Variants in WDR72 observed in about 807,000 individuals in gnomAD.
WDR72 encodes the protein WD repeat-containing protein 72.
A neutral mutation model predicts 124.2 loss-of-function variants in WDR72; 120 were observed. The ratio of observed to expected loss-of-function variants is 0.97; its 90% CI spans 0.83 to 1.12. The LOEUF is 1.12. WDR72 is among the 50% of genes most tolerant of loss of function. WDR72 has a pLI of 0.00. For synonymous variants in WDR72, 452 were observed against 441.7 expected, an observed-to-expected ratio of 1.02 and a Z score of -0.29; for missense variants, 1,387 against 1,278.8, an observed-to-expected ratio of 1.08 and a Z score of -1.29.
Position 53,704,524 on chromosome 15 carries a change from G to T in WDR72, c.1348+464C>A, listed in dbSNP as rs368181291. Among the ~76,000 whole-genome samples, 87 of 150,956 alleles carry T rather than the reference G, an allele frequency of 5.8e-4. 8 individuals carry two copies. In the East Asian group the frequency reaches 8.1e-3, roughly 14 times the overall value. On this transcript the variant is annotated intron_variant, in intron 11 of 19. Coordinates refer to ENST00000360509, the MANE Select transcript of WDR72 (RefSeq NM_182758.4). ...TTCTGCTTGAGTTTTTTTTGTTTTTGGTTTTGGTTTTTTTTGAGATGGAGT... is the reference window on the plus strand; with the variant it reads ...TTCTGCTTGAGTTTTTTTTGTTTTTTGTTTTGGTTTTTTTTGAGATGGAGT...
At chr15:53,591,281 T>C (rs955436637) in intron 18 of WDR72, among the ~76,000 whole-genome samples, 2 of 152,080 alleles carry the variant, frequency 1.3e-5, no homozygotes, top group African/African-American at 2.4e-5. Flanking sequence ...AGTTTGTTAG[T>C]TTGTTCTTGG....
rs1567035646 is a variant in WDR72, at chr15:53,699,950, G to T, written c.1570-5C>A. ...AATTATCTGCTCACCCCTTAGCTGT[G>T]AAAAAACAACATGCTTATGTAAGTA... On this transcript the variant is annotated splice_polypyrimidine_tract_variant and splice_region_variant and intron_variant, in intron 12 of 19. Coordinates refer to ENST00000360509, the MANE Select transcript of WDR72 (RefSeq NM_182758.4). 6.2e-7 allele frequency: 1 copy of T among 1,613,880 alleles called. No homozygotes were observed. The highest frequency in any genetic ancestry group is 8.5e-7 in the Non-Finnish European group (1 of 1,179,984).
Position 53,517,680 on chromosome 15 carries a change from C to A in WDR72, c.*19G>T, listed in dbSNP as rs757328536. On this transcript the variant is annotated 3_prime_UTR_variant, in exon 20 of 20. Coordinates refer to ENST00000360509, the MANE Select transcript of WDR72 (RefSeq NM_182758.4). ...TTTCTTAATTTGTCCAAATTCAGCT[C>A]CTACTGATGAGATTCCATTTAAGAC... 5 of 1,612,252 alleles carry A rather than the reference C, an allele frequency of 3.1e-6. No homozygotes were observed. The Admixed American group carries it at 8.4e-5, about 27-fold the overall frequency.
chr15:53,655,230 C>CAAAAA (rs531072099), intron 14 of WDR72, among the ~76,000 whole-genome samples: 23 of 54,610 alleles, frequency 4.2e-4, no homozygotes, highest in Admixed American at 1.1e-3. Context: ...GATGCCATCT[C>CAAAAA]AAAAAAAAAA....
In WDR72 at chr15:53,722,795, T is replaced by C; in HGVS notation, c.260+7A>G. On this transcript the variant is annotated splice_region_variant and intron_variant, in intron 3 of 19. Coordinates refer to ENST00000360509, the MANE Select transcript of WDR72 (RefSeq NM_182758.4). ...AGAAGGGGACAAAGTTTACATACCA[T>C]ACCTACCCATTTTCAGCAGCACTAA... 1.2e-6 allele frequency: 2 copies of C among 1,612,384 alleles called. No individual in the cohort carries two copies. Among genetic ancestry groups the C allele is most frequent in the Non-Finnish European group, 1.7e-6 (2 of 1,178,882 alleles).
intron 1 of WDR72, among the ~76,000 whole-genome samples, chr15:53,752,652 C>T (rs1044636432): frequency 2.0e-5 from 3 of 152,178 alleles, no homozygotes; most frequent in Non-Finnish European, 4.4e-5. Context: ...GTGTAAGTCA[C>T]CCAGTGGGTG....
intron 13 of WDR72, among the ~76,000 whole-genome samples, chr15:53,683,245 T>C (rs2016463509): frequency 6.6e-6 from 1 of 152,098 alleles, no homozygotes; most frequent in Admixed American, 6.5e-5. Context: ...ACACACATAC[T>C]TAGAAGGCGT....
In WDR72 at chr15:53,675,258, G is replaced by A. The variant is rs201988911; in HGVS notation, c.1766-9490C>T. ...CTTGGCAAGCTGAGGCAGAAGAATCGCTTGAACCTGGAAGGCGGAGGTTGC... is the reference window on the plus strand; with the variant it reads ...CTTGGCAAGCTGAGGCAGAAGAATCACTTGAACCTGGAAGGCGGAGGTTGC... On this transcript the variant is annotated intron_variant, in intron 13 of 19. Coordinates refer to ENST00000360509, the MANE Select transcript of WDR72 (RefSeq NM_182758.4). 2.2e-4 allele frequency among the ~76,000 whole-genome samples: 34 copies of A among 151,294 alleles called. 1 individual carries two copies. The East Asian group carries it at 6.3e-3, about 28-fold the overall frequency.
At chr15:53,685,930 T>G (rs2016605148) in intron 13 of WDR72, among the ~76,000 whole-genome samples, 1 of 138,458 alleles carries the variant, frequency 7.2e-6, no homozygotes, top group African/African-American at 2.8e-5. Flanking sequence ...AAAAGAATTT[T>G]CAACCCAGAA....
chr15:53,666,601 TAA>T (rs2015788597), intron 13 of WDR72, among the ~76,000 whole-genome samples: 1 of 152,176 alleles, frequency 6.6e-6, no homozygotes, highest in Non-Finnish European at 1.5e-5. Flanking sequence ...TCCTACTGAA[TAA>T]AGACACCAAG....
chr15:53,640,982 T>C (rs982936724), intron 14 of WDR72, among the ~76,000 whole-genome samples: 1 of 152,010 alleles, frequency 6.6e-6, no homozygotes, highest in African/African-American at 2.4e-5. Flanking sequence ...TTACAATTTT[T>C]TAAGTAGTAA....
chr15:53,560,167 C>T (rs1425378378), intron 18 of WDR72, among the ~76,000 whole-genome samples: 3 of 151,838 alleles, frequency 2.0e-5, no homozygotes, highest in Admixed American at 2.0e-4. Context: ...GAAAAGCTGT[C>T]CGATGGCTTT....
chr15:53,519,171 C>T (rs1420464730), intron 19 of WDR72, among the ~76,000 whole-genome samples: 1 of 152,028 alleles, frequency 6.6e-6, no homozygotes, highest in African/African-American at 2.4e-5. Context: ...GAATGTCACA[C>T]TAAATTTTCT....
intron 14 of WDR72, among the ~76,000 whole-genome samples, chr15:53,659,331 C>T (rs689631): frequency 0.089 from 13,586 of 152,106 alleles, 1,600 homozygotes; most frequent in African/African-American, 0.27. Flanking sequence ...AGAGTCCTTC[C>T]GTTGCTGGCA....
chr15:53,705,927 C>T lies in WDR72; in HGVS notation c.1102G>A (p.Glu368Lys). 6.2e-7 allele frequency: 1 copy of T among 1,613,994 alleles called. No individual in the cohort carries two copies. The highest frequency in any genetic ancestry group is 8.5e-7 in the Non-Finnish European group (1 of 1,179,974). The change falls in exon 10 of 20, where the codon GAG becomes AAG. Residue 368 changes from glutamate (E) to lysine (K), a missense_variant and splice_region_variant. Coordinates refer to ENST00000360509, the MANE Select transcript of WDR72 (RefSeq NM_182758.4). ...PVSKFDGSPR[E>K]IPVTATWTLQ... ...TTACTAGAAAAGGAAACTGACTTACCTCTAGGAGAACCATCAAACTTGGAT... is the reference window on the plus strand; with the variant it reads ...TTACTAGAAAAGGAAACTGACTTACTTCTAGGAGAACCATCAAACTTGGAT...
intron 14 of WDR72, 54 bp downstream of exon 14, chr15:53,665,518 C>T: frequency 1.2e-6 from 2 of 1,601,904 alleles, no homozygotes; most frequent in Admixed American, 1.7e-5. Flanking sequence ...ATGCATATAA[C>T]TTCTTATTCG....
rs2012210713 is a variant in WDR72, at chr15:53,586,268, G to A, written c.3148+10811C>T. ...AGATATACCTCATGTATGTGAAAGT[G>A]AAAGGGTATTAAGAGTTCTCAAAAA... On this transcript the variant is annotated intron_variant, in intron 18 of 19. Coordinates refer to ENST00000360509, the MANE Select transcript of WDR72 (RefSeq NM_182758.4). Among the ~76,000 whole-genome samples the A allele has an allele frequency of 1.3e-5, 2 of 152,160 alleles. 1 individual carries two copies. The highest frequency in any genetic ancestry group is 4.1e-4 in the South Asian group (2 of 4,820).
At chr15:53,754,324 A>G (rs576050367) in intron 1 of WDR72, among the ~76,000 whole-genome samples, 304 of 152,282 alleles carry the variant, frequency 2.0e-3, no homozygotes, top group African/African-American at 6.6e-3. Flanking sequence ...AGATTTCCAC[A>G]TTGGGGTGAC....
At chr15:53,758,186 A>C (rs1171401932) in intron 1 of WDR72, among the ~76,000 whole-genome samples, 1 of 151,958 alleles carries the variant, frequency 6.6e-6, no homozygotes, top group Non-Finnish European at 1.5e-5. Flanking sequence ...ATTTTTGTAG[A>C]GATGAAGTTT....
Sources: gnomAD v4.1 joint callset for allele counts (sites outside exome capture counted in the v4.1 genomes callset) on GRCh38, gnomAD v4.1.1 for gene constraint, MANE v1.5 for transcripts, NCBI Gene and HGNC (gene_info 2026-07-23, HGNC 2026-07-21) for gene names.